The following COL21A1 variants were observed in gnomAD, a reference collection of about 807,000 sequenced individuals.
COL21A1 encodes the protein collagen type XXI alpha 1 chain.
Under a neutral mutation model 137.9 loss-of-function variants are expected in COL21A1, and 149 were observed. That is an observed-to-expected ratio of 1.08 (90% CI 0.95 to 1.24). The LOEUF is 1.24. COL21A1 is among the 50% of genes most tolerant of loss of function. COL21A1 has a pLI of 0.00. For synonymous variants in COL21A1, 456 were observed against 391.5 expected, an observed-to-expected ratio of 1.16 and a Z score of -1.95; for missense variants, 1,167 against 1,158.4, an observed-to-expected ratio of 1.01 and a Z score of -0.11.
chr6:56,152,662 CATGCA>C (rs2152252266), intron 10 of COL21A1, among the ~76,000 whole-genome samples: 1 of 151,990 alleles, frequency 6.6e-6, no homozygotes, highest in East Asian at 1.9e-4. Context: ...TCCAGTGCTT[CATGCA>C]TGGGAAGATT....
At chr6:56,205,135 T>C (rs1005262159) in intron 1 of COL21A1, among the ~76,000 whole-genome samples, 7 of 152,134 alleles carry the variant, frequency 4.6e-5, no homozygotes, top group Admixed American at 4.6e-4. Flanking sequence ...AGAATGAGTT[T>C]GACAAATTGA....
chr6:56,218,507 GT>G (rs1010848250), intron 1 of COL21A1, among the ~76,000 whole-genome samples: 1 of 151,832 alleles, frequency 6.6e-6, no homozygotes, highest in African/African-American at 2.4e-5. Context: ...ATGTTATTGT[GT>G]TTTTTTGCCT....
chr6:56,233,434 T>C (rs151277064), intron 1 of COL21A1, among the ~76,000 whole-genome samples: 134 of 151,894 alleles, frequency 8.8e-4, no homozygotes, highest in African/African-American at 2.9e-3. Context: ...CAAATATATA[T>C]GTAAGAATAT....
At chr6:56,379,590 C>T (rs966615359) in intron 1 of COL21A1, among the ~76,000 whole-genome samples, 2 of 152,130 alleles carry the variant, frequency 1.3e-5, no homozygotes, top group African/African-American at 4.8e-5. Context: ...CCTCATCCTA[C>T]GTTCCTGCCT....
chr6:56,264,016 A>T (rs1382618523), intron 1 of COL21A1, among the ~76,000 whole-genome samples: 1 of 152,084 alleles, frequency 6.6e-6, no homozygotes, highest in Non-Finnish European at 1.5e-5. Context: ...ATATCTATAA[A>T]CAATGAAATT....
intron 1 of COL21A1, among the ~76,000 whole-genome samples, chr6:56,203,928 A>C (rs1425222639): frequency 6.6e-6 from 1 of 152,084 alleles, no homozygotes; most frequent in African/African-American, 2.4e-5. Flanking sequence ...GGAACGGTGC[A>C]CTCTGGCCCA....
Position 56,129,646 on chromosome 6 carries a change from T to C in COL21A1, c.1543-3497A>G, listed in dbSNP as rs192084947. Among the ~76,000 whole-genome samples, 1,073 of 151,362 alleles carry C rather than the reference T, an allele frequency of 7.1e-3. 14 individuals carry two copies. The highest frequency in any genetic ancestry group is 0.024 in the African/African-American group (1,005 of 41,170). The stretch of plus-strand genomic sequence containing the variant: ...TTCCTCTGTCACGTGCGTGCGTGTG[T>C]GTGTGTTGCTTCCTCTGTCACGTGC... On this transcript the variant is annotated intron_variant, in intron 12 of 29. Coordinates refer to ENST00000244728, the MANE Select transcript of COL21A1 (RefSeq NM_030820.4).
At chr6:56,069,826 G>GT (rs1766591869) in intron 21 of COL21A1, among the ~76,000 whole-genome samples, 1 of 150,198 alleles carries the variant, frequency 6.7e-6, no homozygotes, top group Non-Finnish European at 1.5e-5. Context: ...CACAATTTTT[G>GT]TTTTTATAAA....
chr6:56,242,226 A>G (rs1293074699), intron 1 of COL21A1, among the ~76,000 whole-genome samples: 1 of 152,288 alleles, frequency 6.6e-6, no homozygotes, highest in Non-Finnish European at 1.5e-5. Flanking sequence ...ATATTTTAAT[A>G]AGTTGTTTCC....
chr6:56,189,705 A>G (rs1258667747), intron 1 of COL21A1, among the ~76,000 whole-genome samples: 1 of 152,218 alleles, frequency 6.6e-6, no homozygotes, highest in Non-Finnish European at 1.5e-5. Flanking sequence ...AAAAATGTTA[A>G]GGGCAGCCAG....
At chr6:56,169,596 A>C (rs986551416) in intron 5 of COL21A1, among the ~76,000 whole-genome samples, 4 of 151,960 alleles carry the variant, frequency 2.6e-5, no homozygotes, top group African/African-American at 9.7e-5. Flanking sequence ...AAAACCCTGC[A>C]TTTTATTACA....
At chr6:56,314,074 T>G (rs895197889) in intron 1 of COL21A1, among the ~76,000 whole-genome samples, 1 of 152,144 alleles carries the variant, frequency 6.6e-6, no homozygotes, top group African/African-American at 2.4e-5. Context: ...AACCTCCACC[T>G]CCTGGGTTCA....
At chr6:56,148,013 A>G (rs1774976614) in intron 10 of COL21A1, among the ~76,000 whole-genome samples, 1 of 152,148 alleles carries the variant, frequency 6.6e-6, no homozygotes, top group Non-Finnish European at 1.5e-5. Context: ...AAATGCTCCC[A>G]GTTATGCTCT....
At chr6:56,227,512 G>A (rs1057013066) in intron 1 of COL21A1, among the ~76,000 whole-genome samples, 3 of 152,034 alleles carry the variant, frequency 2.0e-5, no homozygotes, top group African/African-American at 7.2e-5. Flanking sequence ...ACACTTCAGA[G>A]TAAATGAACT....
chr6:56,091,914 T>C (rs1272027374), intron 17 of COL21A1, among the ~76,000 whole-genome samples: 1 of 152,188 alleles, frequency 6.6e-6, no homozygotes, highest in African/African-American at 2.4e-5. Flanking sequence ...GTTGCCCTCA[T>C]GTTGCTCTGT....
intron 10 of COL21A1, among the ~76,000 whole-genome samples, chr6:56,146,712 C>A (rs190476461): frequency 1.3e-3 from 203 of 151,912 alleles, no homozygotes; most frequent in African/African-American, 4.1e-3. Context: ...ATCCACAAAG[C>A]CAAAAGAGAG....
At chr6:56,200,816 C>G (rs1420696495) in intron 1 of COL21A1, among the ~76,000 whole-genome samples, 1 of 152,024 alleles carries the variant, frequency 6.6e-6, no homozygotes, top group Non-Finnish European at 1.5e-5. Flanking sequence ...TGGGTATATA[C>G]CCAGTAATGG....
chr6:56,225,310 T>A (rs1449235596), intron 1 of COL21A1, among the ~76,000 whole-genome samples: 1 of 152,108 alleles, frequency 6.6e-6, no homozygotes, highest in African/African-American at 2.4e-5. Flanking sequence ...CTAGGTCAAC[T>A]GGTCTTCATT....
At chr6:56,247,902 T>A (rs1782737925), upstream of COL21A1, among the ~76,000 whole-genome samples, 1 of 152,208 alleles carries the variant, frequency 6.6e-6, no homozygotes, top group Admixed American at 6.5e-5. Context: ...GAGCATCGCC[T>A]GCACTGATCG....
Sources: allele counts gnomAD v4.1 joint callset (sites outside exome capture counted in the v4.1 genomes callset), GRCh38; gene constraint gnomAD v4.1.1; transcripts MANE v1.5; gene names NCBI Gene and HGNC (gene_info 2026-07-23, HGNC 2026-07-21).